RBFOX1: variants seen among roughly 807,000 people sequenced by gnomAD.
The protein encoded by RBFOX1 is RNA binding fox-1 homolog 1.
A neutral mutation model predicts 57.7 loss-of-function variants in RBFOX1; 8 were observed. That is an observed-to-expected ratio of 0.14 (90% confidence interval 0.08 to 0.25). RBFOX1 has a LOEUF of 0.25. Among genes scored for constraint, RBFOX1 ranks in the 10% least tolerant of loss-of-function variants. The pLI is 1.00. For missense variants in RBFOX1, 611 were observed against 548.5 expected (o/e 1.11, Z -1.14); for synonymous variants, 326 against 222.4 (o/e 1.47, Z -4.15).
At chr16:6,985,522 T>C (rs989811860) in intron 3 of RBFOX1, among the ~76,000 whole-genome samples, 2 of 152,024 alleles carry the variant, frequency 1.3e-5, no homozygotes, top group African/African-American at 4.8e-5. Context: ...GTGTGGAAAA[T>C]ACTGGATTAG....
chr16:6,394,136 A>G (rs958136618), intron 2 of RBFOX1, among the ~76,000 whole-genome samples: 9 of 152,170 alleles, frequency 5.9e-5, no homozygotes, highest in Non-Finnish European at 7.3e-5. Context: ...TTGTGTTTCT[A>G]TTGCCAGCCC....
At chr16:7,620,282 A>C (rs1002852375) in intron 10 of RBFOX1, among the ~76,000 whole-genome samples, 2 of 152,200 alleles carry the variant, frequency 1.3e-5, no homozygotes, top group Non-Finnish European at 2.9e-5. Flanking sequence ...ACACATTTTT[A>C]TCTCTATTTG....
At chr16:6,531,125 TGCCCAGTAGTA>T (rs1404929027) in intron 2 of RBFOX1, among the ~76,000 whole-genome samples, 1 of 152,224 alleles carries the variant, frequency 6.6e-6, no homozygotes, top group South Asian at 2.1e-4. Context: ...GTGCTTACCA[TGCCCAGTAGTA>T]GGATCCAGGT....
chr16:6,516,518 A>G (rs1240758485), intron 2 of RBFOX1, among the ~76,000 whole-genome samples: 6 of 151,950 alleles, frequency 3.9e-5, no homozygotes. Context: ...CAGAGGAAAA[A>G]CTCCTCAAAC....
intron 3 of RBFOX1, among the ~76,000 whole-genome samples, chr16:6,933,397 C>T (rs999259590): frequency 6.6e-6 from 1 of 152,208 alleles, no homozygotes; most frequent in African/African-American, 2.4e-5. Flanking sequence ...ATTGCCAACA[C>T]TTATATTCAA....
Position 6,729,110 on chromosome 16 carries a change from C to A in RBFOX1, c.-16+74460C>A, listed in dbSNP as rs59755020. ...AATAGCTTCTGTTGAAATGGAGATA[C>A]TAAACTAAGGAGTTTTGTTCTTTAT... is the stretch of plus-strand genomic sequence containing the variant. On this transcript the variant is annotated intron_variant, in intron 3 of 15. Coordinates refer to ENST00000550418, the MANE Select transcript of RBFOX1 (RefSeq NM_018723.4). Among the ~76,000 whole-genome samples the A allele has an allele frequency of 5.6e-3, 846 of 152,222 alleles. 8 individuals are homozygous for A. The highest frequency in any genetic ancestry group is 0.018 in the African/African-American group (768 of 41,546).
chr16:6,940,123 C>T (rs780591651), intron 3 of RBFOX1, among the ~76,000 whole-genome samples: 12 of 152,024 alleles, frequency 7.9e-5, no homozygotes, highest in Non-Finnish European at 1.6e-4. Flanking sequence ...ACCCAGGAGG[C>T]GGAGGTTGCA....
chr16:5,939,549 C>T (rs757954181), intron 4 of RBFOX1, among the ~76,000 whole-genome samples: 1 of 152,168 alleles, frequency 6.6e-6, no homozygotes, highest in Non-Finnish European at 1.5e-5. Flanking sequence ...CCCTTCAGAG[C>T]CATGGATCCA....
At chr16:7,030,596 A>T (rs1412526314) in intron 3 of RBFOX1, among the ~76,000 whole-genome samples, 1 of 151,904 alleles carries the variant, frequency 6.6e-6, no homozygotes, top group African/African-American at 2.4e-5. Context: ...GTTCTTTGCT[A>T]TTTCGTATGT....
intron 2 of RBFOX1, among the ~76,000 whole-genome samples, chr16:5,577,196 C>T (rs890651814): frequency 1.3e-5 from 2 of 152,138 alleles, no homozygotes; most frequent in African/African-American, 4.8e-5. Context: ...AACTGTTCTC[C>T]TACAGAAGAC....
intron 1 of RBFOX1, among the ~76,000 whole-genome samples, chr16:6,262,677 G>C (rs1031656925): frequency 3.9e-5 from 6 of 152,170 alleles, no homozygotes; most frequent in Admixed American, 3.9e-4. Context: ...AAAGGGTTGA[G>C]GGCTGTGATT....
chr16:6,895,906 GT>G (rs1220132398), intron 3 of RBFOX1, among the ~76,000 whole-genome samples: 1 of 148,208 alleles, frequency 6.7e-6, no homozygotes, highest in African/African-American at 2.4e-5. Context: ...TTTGTAAAAT[GT>G]TTTTTTAATT....
At chr16:7,411,007 G>A (rs1420448418) in intron 4 of RBFOX1, among the ~76,000 whole-genome samples, 1 of 152,126 alleles carries the variant, frequency 6.6e-6, no homozygotes, top group African/African-American at 2.4e-5. Context: ...GTACAGTGGT[G>A]TGATCTTGGC....
At chr16:7,612,736 A>G (rs2057753975) in intron 10 of RBFOX1, among the ~76,000 whole-genome samples, 1 of 152,178 alleles carries the variant, frequency 6.6e-6, no homozygotes, top group African/African-American at 2.4e-5. Flanking sequence ...AAAATAAATA[A>G]CAGAAGGTTA....
chr16:6,372,456 T>C (rs760051444), intron 2 of RBFOX1, among the ~76,000 whole-genome samples: 1 of 151,032 alleles, frequency 6.6e-6, no homozygotes, highest in Non-Finnish European at 1.5e-5. Flanking sequence ...TTGGTTAGGA[T>C]CTTTGGGTAG....
intron 1 of RBFOX1, among the ~76,000 whole-genome samples, chr16:5,258,073 T>G (rs1303155284): frequency 6.6e-6 from 1 of 152,036 alleles, no homozygotes. Flanking sequence ...GAGATGAGGT[T>G]TCACCATGTT....
In RBFOX1 at chr16:5,503,795, C is replaced by T. The variant is rs185825023; in HGVS notation, c.258+36541C>T. On this transcript the variant is annotated intron_variant, in intron 2 of 2. Transcript: ENST00000585867. ...AGTTGTGCAACCATCTCCACCATCA[C>T]TTTTAGAACATGTTCATCCCCTCCC... 3.4e-4 allele frequency among the ~76,000 whole-genome samples: 52 copies of T among 152,308 alleles called. No homozygotes were observed. In the East Asian group the frequency reaches 9.1e-3, roughly 27 times the overall value.
chr16:7,093,166 C>G (rs1599273551), intron 4 of RBFOX1, among the ~76,000 whole-genome samples: 1 of 152,196 alleles, frequency 6.6e-6, no homozygotes, highest in Non-Finnish European at 1.5e-5. Flanking sequence ...TTTCTGTTGA[C>G]CTGGCAAGTT....
At chr16:6,642,463 C>G (rs1365948586) in intron 2 of RBFOX1, among the ~76,000 whole-genome samples, 3 of 152,016 alleles carry the variant, frequency 2.0e-5, no homozygotes, top group South Asian at 4.2e-4. Flanking sequence ...GGATGCCGTT[C>G]TCGGTACTAT....
Sources: gnomAD v4.1 joint callset for allele counts (sites outside exome capture counted in the v4.1 genomes callset) on GRCh38, gnomAD v4.1.1 for gene constraint, MANE v1.5 for transcripts, NCBI Gene and HGNC (gene_info 2026-07-23, HGNC 2026-07-21) for gene names.